IMPG2: variants seen among roughly 807,000 people sequenced by gnomAD.
IMPG2 encodes the protein IPM 200.
Under a neutral mutation model 129.2 loss-of-function variants are expected in IMPG2, and 91 were observed. The observed-to-expected ratio is 0.70, with a 90% CI of 0.59 to 0.84. The LOEUF (loss-of-function observed/expected upper bound fraction) is 0.84. IMPG2 is among the 40% of genes least tolerant of loss of function. The pLI, the probability that IMPG2 is intolerant of heterozygous loss-of-function variation, is 0.00. For missense variants in IMPG2, 1,430 were observed against 1,461.7 expected (o/e 0.98, Z 0.35); for synonymous variants, 510 against 517.7 (o/e 0.99, Z 0.20).
chr3:101,288,921 G>T (rs1706975037), intron 4 of IMPG2, among the ~76,000 whole-genome samples: 1 of 152,062 alleles, frequency 6.6e-6, no homozygotes. Context: ...TTTTGATATT[G>T]GTCTGATTGG....
chr3:101,275,269 A>G (rs150534706), intron 6 of IMPG2, among the ~76,000 whole-genome samples: 1 of 152,288 alleles, frequency 6.6e-6, no homozygotes, highest in East Asian at 1.9e-4. Flanking sequence ...TTCACAATGC[A>G]TGGTACTTTT....
At chr3:101,272,963 A>G (rs1286974502) in intron 7 of IMPG2, among the ~76,000 whole-genome samples, 1 of 152,200 alleles carries the variant, frequency 6.6e-6, no homozygotes, top group Non-Finnish European at 1.5e-5. Flanking sequence ...GACGGGGACT[A>G]TGGGTCATTT....
chr3:101,257,727 T>G lies in IMPG2; in HGVS notation c.955A>C (p.Ser319Arg). The change falls in exon 10 of 19, where the codon AGC (serine) becomes CGC (arginine). Residue 319 changes from serine to arginine, a missense_variant. Coordinates refer to ENST00000193391, the MANE Select transcript of IMPG2 (RefSeq NM_016247.4). The stretch of plus-strand genomic sequence containing the variant: ...CTAATGAGGTCCCAGGTGGTATTGC[T>G]GATGGCCTCACCATTGAAGGTAACT... ...YAVTFNGEAI[S>R]NTTWDLISLH... 2 of 1,613,218 alleles carry G rather than the reference T, an allele frequency of 1.2e-6. No homozygotes were observed. The highest frequency in any genetic ancestry group is 8.5e-7 in the Non-Finnish European group (1 of 1,179,382).
At chr3:101,290,383 G>A (rs952428961) in intron 4 of IMPG2, among the ~76,000 whole-genome samples, 1 of 152,092 alleles carries the variant, frequency 6.6e-6, no homozygotes, top group African/African-American at 2.4e-5. Context: ...GATGGTGTGT[G>A]CCTGTAGTCC....
chr3:101,265,572 G>T (rs2107242534), intron 9 of IMPG2, among the ~76,000 whole-genome samples: 1 of 152,108 alleles, frequency 6.6e-6, no homozygotes, highest in Admixed American at 6.6e-5. Flanking sequence ...AGACCTAAAT[G>T]TCAGACTTGA....
At chr3:101,273,789 AATCAACAAACAT>A (rs1406845714) in intron 6 of IMPG2, 47 bp from the exon 7 acceptor site, 1 of 1,548,200 alleles carries the variant, frequency 6.5e-7, no homozygotes, top group African/African-American at 1.4e-5. Flanking sequence ...TTATTCATTC[AATCAACAAACAT>A]TTATTGATTG....
chr3:101,262,206 A>G (rs1706678057), intron 9 of IMPG2, among the ~76,000 whole-genome samples: 1 of 152,104 alleles, frequency 6.6e-6, no homozygotes, highest in South Asian at 2.1e-4. Flanking sequence ...ATACATACTG[A>G]AAAAGCCTGA....
chr3:101,245,942 G>A lies in IMPG2; in HGVS notation c.1403C>T (p.Ser468Leu), dbSNP rs370095132. Residue 468 changes from serine (S) to leucine (L), a missense_variant, in exon 12 of 19, where the codon TCG becomes TTG. Coordinates refer to ENST00000193391, the MANE Select transcript of IMPG2 (RefSeq NM_016247.4). Reference sequence around the variant, plus strand: ...TGGGGAAGAGCTGAGGCCCATCTTCGAGGGAAAGGCTAATTTGTGTGTAGA... The same window carrying A: ...TGGGGAAGAGCTGAGGCCCATCTTCAAGGGAAAGGCTAATTTGTGTGTAGA... ...LVSTHKLAFP[S>L]KMGLSSSPEV... 28 of 1,614,010 alleles carry A rather than the reference G, an allele frequency of 1.7e-5. No homozygotes were observed. The highest frequency in any genetic ancestry group is 2.3e-5 in the Non-Finnish European group (27 of 1,180,028).
At position 101,244,696 on chromosome 3, in the gene IMPG2, T is replaced by C. The variant is rs143241939; in HGVS notation, c.1635A>G (p.Ile545Met). 3.5e-5 allele frequency: 57 copies of C among 1,614,110 alleles called. No homozygotes were observed. In the African/African-American group the frequency reaches 6.5e-4, roughly 18 times the overall value. Residue 545 changes from isoleucine (I) to methionine (M), a missense_variant, in exon 13 of 19, where the codon ATA becomes ATG. Transcript: ENST00000193391. The stretch of plus-strand genomic sequence containing the variant: ...ACACATCAGAGTCTTCCATGGATGG[T>C]ATTGTTTCTTTTGGCACAGGTTGAG... The part of the protein sequence containing the change: ...SFTQPVPKET[I>M]PSMEDSDVSL...
chr3:101,256,318 A>T (rs950442144), intron 10 of IMPG2, among the ~76,000 whole-genome samples: 7 of 151,804 alleles, frequency 4.6e-5, no homozygotes, highest in Non-Finnish European at 5.9e-5. Context: ...TGTCTCTCTC[A>T]CACACACACA....
At chr3:101,274,558 T>G (rs1372735604) in intron 6 of IMPG2, among the ~76,000 whole-genome samples, 1 of 152,198 alleles carries the variant, frequency 6.6e-6, no homozygotes, top group Non-Finnish European at 1.5e-5. Context: ...TTGGGCTTCA[T>G]TTTGAACCAG....
Position 101,310,420 on chromosome 3 carries a change from A to T in IMPG2, c.335-6108T>A, listed in dbSNP as rs1707251677. Reference sequence around the variant, plus strand: ...AAAATTACAAAGAAATTAGCCGGGCATGGTGGCACGTGCCTATAGTTCCAG... The same window carrying T: ...AAAATTACAAAGAAATTAGCCGGGCTTGGTGGCACGTGCCTATAGTTCCAG... On this transcript the variant is annotated intron_variant, in intron 2 of 18. Coordinates refer to ENST00000193391, the MANE Select transcript of IMPG2 (RefSeq NM_016247.4). 2.6e-5 allele frequency among the ~76,000 whole-genome samples: 4 copies of T among 151,942 alleles called. No homozygotes were observed. The South Asian group carries it at 8.3e-4, about 31-fold the overall frequency.
At chr3:101,232,284 C>G (rs168362) in intron 15 of IMPG2, among the ~76,000 whole-genome samples, 92,367 of 151,254 alleles carry the variant, frequency 0.61, 28,799 homozygotes, top group Admixed American at 0.68. Context: ...GTTGCCCAGG[C>G]TGGAGTGCAG....
rs1029079180 is a variant in IMPG2 at position 101,224,554 on chromosome 3, C to T, written c.*2415G>A. On this transcript the variant is annotated 3_prime_UTR_variant, in exon 19 of 19. Coordinates refer to ENST00000193391, the MANE Select transcript of IMPG2 (RefSeq NM_016247.4). ...TGATGACATGCCATTAAATCACCTT[C>T]GAGGAAGGTCTTTTAGAAAGAAGCT... 2 of 152,170 alleles carry T rather than the reference C, an allele frequency of 1.3e-5. No individual in the cohort carries two copies. Among genetic ancestry groups the T allele is most frequent in the Admixed American group, 6.5e-5 (1 of 15,272 alleles). The allele number at this position is 152,170 out of a possible 1,614,324, so 9.4% of individuals were successfully genotyped here. A position where few individuals can be genotyped will look rare whatever the true frequency, so the allele number is the denominator to read the frequency against.
At chr3:101,303,494 A>G (rs1707158875) in intron 3 of IMPG2, among the ~76,000 whole-genome samples, 1 of 152,148 alleles carries the variant, frequency 6.6e-6, no homozygotes, top group Non-Finnish European at 1.5e-5. Flanking sequence ...ATGGACAGGG[A>G]GATATACGGA....
chr3:101,231,091 C>T lies in IMPG2; in HGVS notation c.3288G>A (p.Val1096=), dbSNP rs190315698. ...WYRGKHCEEF[V]SEPVIIGITI... ...TGATGCCTATGATCACGGGCTCAGA[C>T]ACAAATTCCTCACAGTGCTTGCCTC... The change falls in exon 16 of 19, where the codon GTG becomes GTA. Residue 1096 remains valine (V), a synonymous_variant. Transcript: ENST00000193391. The T allele has an allele frequency of 2.7e-5, 44 of 1,614,168 alleles. No individual in the cohort carries two copies. The East Asian group carries it at 9.8e-4, about 36-fold the overall frequency.
chr3:101,303,237 C>T (rs930657570), intron 3 of IMPG2, among the ~76,000 whole-genome samples: 2 of 152,132 alleles, frequency 1.3e-5, no homozygotes, highest in African/African-American at 4.8e-5. Context: ...ACATCTATTG[C>T]ATATTTACTA....
chr3:101,226,284 T>C lies in IMPG2; in HGVS notation c.*685A>G, dbSNP rs537248333. 2.8e-3 allele frequency: 308 copies of C among 108,242 alleles called. 5 individuals are homozygous for C. Among genetic ancestry groups the C allele is most frequent in the Non-Finnish European group, 4.8e-3 (245 of 51,548 alleles). 6.7% of individuals were successfully genotyped at this position (108,242 alleles called of 1,614,324 possible). On this transcript the variant is annotated 3_prime_UTR_variant, in exon 19 of 19. Coordinates refer to ENST00000193391, the MANE Select transcript of IMPG2 (RefSeq NM_016247.4). ...ATATATATATATATATATATATGCA[T>C]TCATCCTGAAAACTAAGAAAAAAAG...
intron 9 of IMPG2, among the ~76,000 whole-genome samples, chr3:101,266,843 A>C (rs528452534): frequency 6.6e-6 from 1 of 152,048 alleles, no homozygotes; most frequent in Non-Finnish European, 1.5e-5. Context: ...AGTTTGAATC[A>C]TTTCTGGAGG....
Sources: allele counts gnomAD v4.1 joint callset (sites outside exome capture counted in the v4.1 genomes callset), GRCh38; gene constraint gnomAD v4.1.1; transcripts MANE v1.5; gene names NCBI Gene and HGNC (gene_info 2026-07-23, HGNC 2026-07-21).